PNISR: variants seen among roughly 807,000 people sequenced by gnomAD.
The protein encoded by PNISR is arginine/serine-rich protein PNISR.
In PNISR, 20 loss-of-function variants were observed where a neutral mutation model predicts 93.4. That is an observed-to-expected ratio of 0.21 (90% CI 0.15 to 0.31). PNISR has a LOEUF of 0.31. Ranked by LOEUF, PNISR falls within the 10% of genes least tolerant of loss-of-function variation. The pLI, the probability that PNISR is intolerant of heterozygous loss-of-function variation, is 1.00. For missense variants in PNISR, 893 were observed against 985.4 expected, an observed-to-expected ratio of 0.91 and a Z score of 1.25; for synonymous variants, 305 against 306.5, an observed-to-expected ratio of 0.99 and a Z score of 0.05.
chr6:99,399,660 TTA>T lies in PNISR; in HGVS notation c.*878_*879del, dbSNP rs1176125512. 6.6e-6 allele frequency: 1 copy of T among 152,144 alleles called. No homozygotes were observed. Among genetic ancestry groups the T allele is most frequent in the East Asian group, 1.9e-4 (1 of 5,202 alleles). 9.4% of individuals were successfully genotyped at this position (152,144 alleles called of 1,614,324 possible). A position where few individuals can be genotyped will look rare whatever the true frequency, so the allele number is the denominator to read the frequency against. ...TCATTTTACAGGAGTGAACCACACG[TTA>T]TACACACAGAGAATATATTACTTGA... On this transcript the variant is annotated 3_prime_UTR_variant, in exon 12 of 12. Transcript: ENST00000369239.
chr6:99,415,346 A>G (rs1366658761), intron 2 of PNISR: 1 of 152,174 alleles, frequency 6.6e-6, no homozygotes, highest in Admixed American at 6.5e-5. Context: ...AGCAATTTTA[A>G]AGGATAAAGA....
intron 1 of PNISR, among the ~76,000 whole-genome samples, chr6:99,424,771 T>C (rs1466670951): frequency 2.6e-5 from 4 of 152,244 alleles, no homozygotes; most frequent in Admixed American, 6.5e-5. Context: ...ATATCCATCA[T>C]TGGGTAAGAA....
chr6:99,412,243 G>C (rs1777037856), intron 4 of PNISR: 1 of 522,746 alleles, frequency 1.9e-6, no homozygotes, highest in Non-Finnish European at 3.7e-6. Context: ...GCCAGAGGTT[G>C]CAATAGAGAG....
chr6:99,407,243 C>G (rs983163660), intron 7 of PNISR, among the ~76,000 whole-genome samples: 14 of 151,286 alleles, frequency 9.3e-5, no homozygotes, highest in Admixed American at 8.6e-4. Context: ...TTGCTTGAGT[C>G]CAGGAGTTCA....
intron 1 of PNISR, among the ~76,000 whole-genome samples, chr6:99,423,617 C>A (rs772764449): frequency 6.1e-4 from 93 of 152,288 alleles, no homozygotes; most frequent in Non-Finnish European, 1.1e-3. Flanking sequence ...CCTCTGTGAT[C>A]TTCCCCTGAT....
chr6:99,416,814 T>C (rs2128491856), intron 1 of PNISR, among the ~76,000 whole-genome samples: 1 of 152,364 alleles, frequency 6.6e-6, no homozygotes, highest in East Asian at 1.9e-4. Context: ...TCCTATAGAA[T>C]TCTATGTTTA....
At position 99,398,722 on chromosome 6, in the gene PNISR, A is replaced by T. The variant is rs1775135079; in HGVS notation, c.*1818T>A. On this transcript the variant is annotated 3_prime_UTR_variant, in exon 12 of 12. Coordinates refer to ENST00000369239, the MANE Select transcript of PNISR (RefSeq NM_032870.4). ...AGATTGATCTAAAAAACATTTTAAGATATGAAAATGTTATACAACTTATCT... is the reference window on the plus strand; with the variant it reads ...AGATTGATCTAAAAAACATTTTAAGTTATGAAAATGTTATACAACTTATCT... The T allele has an allele frequency of 6.6e-6, 1 of 152,126 alleles. No homozygotes were observed. Among genetic ancestry groups the T allele is most frequent in the Non-Finnish European group, 1.5e-5 (1 of 67,952 alleles). The allele number at this position is 152,126 out of a possible 1,614,324, so 9.4% of individuals were successfully genotyped here. A position where few individuals can be genotyped will look rare whatever the true frequency, so the allele number is the denominator to read the frequency against.
At chr6:99,420,685 T>C (rs1778440206) in intron 1 of PNISR, among the ~76,000 whole-genome samples, 1 of 152,212 alleles carries the variant, frequency 6.6e-6, no homozygotes, top group Non-Finnish European at 1.5e-5. Flanking sequence ...CGTTGTACCA[T>C]TAAAAATGAC....
chr6:99,415,554 G>A (rs1469619960), intron 2 of PNISR: 1 of 152,096 alleles, frequency 6.6e-6, no homozygotes, highest in Non-Finnish European at 1.5e-5. Context: ...CTAATAAAAG[G>A]TTTAAAAGTC....
At position 99,410,977 on chromosome 6, in the gene PNISR, T is replaced by G; in HGVS notation, c.278-13A>C. 1 of 1,594,132 alleles carries G rather than the reference T, an allele frequency of 6.3e-7. No individual in the cohort carries two copies. Among genetic ancestry groups the G allele is most frequent in the Non-Finnish European group, 8.6e-7 (1 of 1,162,744 alleles). The stretch of plus-strand genomic sequence containing the variant: ...TGCATTCCCCATTCTATTTAAGATT[T>G]AGGCATAAAAACATTCAACAGGCGG... On this transcript the variant is annotated splice_polypyrimidine_tract_variant and intron_variant, in intron 4 of 11. Transcript: ENST00000369239.
intron 10 of PNISR, chr6:99,402,971 C>T: frequency 3.7e-6 from 1 of 266,922 alleles, no homozygotes; most frequent in Non-Finnish European, 7.0e-6. Context: ...GTTTGCTGTA[C>T]TGTCCATACT....
intron 9 of PNISR, 72 bp from the exon 10 acceptor site, chr6:99,403,954 G>T: frequency 9.4e-7 from 1 of 1,063,782 alleles, no homozygotes; most frequent in South Asian, 1.3e-5. Context: ...ATGAGTCTAT[G>T]GTATTGTTAA....
At chr6:99,417,160 T>G (rs1218732596) in intron 1 of PNISR, among the ~76,000 whole-genome samples, 2 of 152,184 alleles carry the variant, frequency 1.3e-5, no homozygotes, top group Non-Finnish European at 2.9e-5. Flanking sequence ...AATACAGACA[T>G]TATCAACAGC....
chr6:99,413,125 C>T (rs1486119538), intron 3 of PNISR, among the ~76,000 whole-genome samples: 2 of 151,768 alleles, frequency 1.3e-5, no homozygotes, highest in Non-Finnish European at 2.9e-5. Flanking sequence ...AATAATCAAA[C>T]GCTATCATTT....
intron 1 of PNISR, among the ~76,000 whole-genome samples, chr6:99,424,477 CA>C (rs563253152): frequency 6.6e-6 from 1 of 151,408 alleles, no homozygotes; most frequent in Non-Finnish European, 1.5e-5. Flanking sequence ...TGCCACTTTA[CA>C]AAAAAATTCC....
At chr6:99,421,360 A>G (rs1367881198) in intron 1 of PNISR, among the ~76,000 whole-genome samples, 1 of 152,228 alleles carries the variant, frequency 6.6e-6, no homozygotes, top group East Asian at 1.9e-4. Context: ...CAACAGATAC[A>G]CTGAAGTCCT....
In PNISR at chr6:99,412,744, C is replaced by T. The variant is rs375838545; in HGVS notation, c.89-5G>A. The T allele has an allele frequency of 3.5e-5, 54 of 1,546,262 alleles. No homozygotes were observed. Among genetic ancestry groups the T allele is most frequent in the East Asian group, 3.2e-4 (14 of 44,028 alleles). On this transcript the variant is annotated splice_region_variant and splice_polypyrimidine_tract_variant and intron_variant, in intron 3 of 11. Coordinates refer to ENST00000369239, the MANE Select transcript of PNISR (RefSeq NM_032870.4). Reference sequence around the variant, plus strand: ...ATGCAGCCCAATCAATCTGGCCTAACGTAAATTAACACTGACTTCAGCATT... The same window carrying T: ...ATGCAGCCCAATCAATCTGGCCTAATGTAAATTAACACTGACTTCAGCATT...
chr6:99,413,410 CCAT>C (rs1777232188), intron 3 of PNISR, among the ~76,000 whole-genome samples: 1 of 151,534 alleles, frequency 6.6e-6, no homozygotes, highest in Non-Finnish European at 1.5e-5. Context: ...ATCCATCCAT[CCAT>C]CCATCCATCC....
At chr6:99,413,391 T>TCC (rs1464382494) in intron 3 of PNISR, among the ~76,000 whole-genome samples, 14 of 149,500 alleles carry the variant, frequency 9.4e-5, no homozygotes, top group Non-Finnish European at 1.8e-4. Context: ...TTTACGTATC[T>TCC]ATCCATCCAT....
Sources: allele counts gnomAD v4.1 joint callset (sites outside exome capture counted in the v4.1 genomes callset), GRCh38; gene constraint gnomAD v4.1.1; transcripts MANE v1.5; gene names NCBI Gene and HGNC (gene_info 2026-07-23, HGNC 2026-07-21).